Variants in ANAPC1 observed in about 807,000 individuals in gnomAD.
The protein encoded by ANAPC1 is anaphase promoting complex subunit 1, also known as anaphase-promoting complex subunit 1.
In ANAPC1, 36 loss-of-function variants were observed where a neutral mutation model predicts 208.0. The observed-to-expected ratio is 0.17, with a 90% CI of 0.13 to 0.23. ANAPC1 has a LOEUF of 0.23. ANAPC1 is among the 10% of genes least tolerant of loss of function. ANAPC1 has a pLI of 1.00. For synonymous variants in ANAPC1, 378 were observed against 695.2 expected (o/e 0.54, Z 7.18); for missense variants, 942 against 2,011.6 (o/e 0.47, Z 10.17).
At chr2:111,830,749 C>G (rs1680085634) in intron 21 of ANAPC1, among the ~76,000 whole-genome samples, 2 of 152,120 alleles carry the variant, frequency 1.3e-5, no homozygotes, top group Non-Finnish European at 2.9e-5. Flanking sequence ...ATACCAAACA[C>G]CAACAAGAAT....
intron 14 of ANAPC1, among the ~76,000 whole-genome samples, chr2:111,849,511 G>A (rs1475685456): frequency 1.3e-5 from 2 of 152,092 alleles, no homozygotes; most frequent in African/African-American, 4.8e-5. Context: ...CCTTTGAACC[G>A]TCCCTAAACA....
chr2:111,841,327 A>G (rs1469368645), intron 17 of ANAPC1, among the ~76,000 whole-genome samples: 1 of 152,026 alleles, frequency 6.6e-6, no homozygotes, highest in Non-Finnish European at 1.5e-5. Flanking sequence ...ACAAAACAAA[A>G]TAAGTAAAAC....
At chr2:111,879,246 T>C (rs1026746755) in intron 2 of ANAPC1, among the ~76,000 whole-genome samples, 13 of 152,206 alleles carry the variant, frequency 8.5e-5, no homozygotes, top group Non-Finnish European at 1.8e-4. Context: ...ACCTTCTCTA[T>C]AGTTCCAAAA....
intron 30 of ANAPC1, among the ~76,000 whole-genome samples, 158 bp from the exon 31 acceptor site, chr2:111,803,997 TAATA>T (rs1484611226): frequency 3.4e-5 from 5 of 147,778 alleles, no homozygotes; most frequent in African/African-American, 9.9e-5. Flanking sequence ...AATCATGAGT[TAATA>T]AATATTAATA....
chr2:111,846,560 T>TATATATATATATA (rs1491102595), intron 16 of ANAPC1, among the ~76,000 whole-genome samples: 3 of 37,416 alleles, frequency 8.0e-5, no homozygotes, highest in Non-Finnish European at 1.6e-4. Flanking sequence ...TATATATATA[T>TATATATATATATA]TTTTTTTTTT....
intron 20 of ANAPC1, among the ~76,000 whole-genome samples, chr2:111,832,914 G>A (rs1680229564): frequency 1.7e-5 from 2 of 114,960 alleles, no homozygotes; most frequent in South Asian, 6.9e-4. Flanking sequence ...CCCCAGCCTG[G>A]GTGACAGAGC....
chr2:111,772,387 G>A lies in ANAPC1; in HGVS notation c.5673C>T (p.Tyr1891=). 1 of 1,608,814 alleles carries A rather than the reference G, an allele frequency of 6.2e-7. No individual in the cohort carries two copies. The highest frequency in any genetic ancestry group is 1.1e-5 in the South Asian group (1 of 90,184). ...GGTGCTGTGGAGCTGGCACAGAGTGGTAGACGAGGAAGCAGGCCAGCATGC... is the reference window on the plus strand; with the variant it reads ...GGTGCTGTGGAGCTGGCACAGAGTGATAGACGAGGAAGCAGGCCAGCATGC... ...QLSMLACFLV[Y]HSVPAPQHLP... is the part of the protein sequence containing the mutation. The change falls in exon 47 of 48, where the codon TAC becomes TAT. Residue 1891 remains tyrosine, a synonymous_variant. Transcript: ENST00000341068.
chr2:111,775,063 C>T (rs574990489), intron 46 of ANAPC1, among the ~76,000 whole-genome samples: 4 of 152,090 alleles, frequency 2.6e-5, no homozygotes, highest in Non-Finnish European at 5.9e-5. Context: ...GTCAGGAGTT[C>T]GAGATCAGAC....
chr2:111,879,665 G>GT (rs1246080722), intron 2 of ANAPC1, among the ~76,000 whole-genome samples: 1 of 152,056 alleles, frequency 6.6e-6, no homozygotes, highest in African/African-American at 2.4e-5. Context: ...GAGGTCTGGA[G>GT]TTTGAGACTA....
intron 20 of ANAPC1, among the ~76,000 whole-genome samples, chr2:111,831,820 C>CT (rs1680151471): frequency 1.5e-5 from 1 of 68,602 alleles, no homozygotes; most frequent in East Asian, 3.1e-4. Flanking sequence ...GAGCGAGACT[C>CT]TGTCTCAAAA....
At chr2:111,783,227 CT>C (rs907241773) in intron 42 of ANAPC1, among the ~76,000 whole-genome samples, 4 of 152,334 alleles carry the variant, frequency 2.6e-5, no homozygotes, top group African/African-American at 9.6e-5. Flanking sequence ...ATCAGCTTTA[CT>C]TTCTGACATG....
intron 21 of ANAPC1, among the ~76,000 whole-genome samples, chr2:111,830,298 T>C (rs1237935267): frequency 6.6e-6 from 1 of 152,170 alleles, no homozygotes; most frequent in Non-Finnish European, 1.5e-5. Flanking sequence ...ATAGTCTTTT[T>C]AAAAAACAGT....
At chr2:111,877,644 T>A (rs1683088945) in intron 3 of ANAPC1, among the ~76,000 whole-genome samples, 1 of 151,572 alleles carries the variant, frequency 6.6e-6, no homozygotes, top group Non-Finnish European at 1.5e-5. Context: ...ATTAGCCGGG[T>A]GTGGTGGCGG....
chr2:111,856,463 C>T (rs1427889045), intron 13 of ANAPC1, 151 bp downstream of exon 13: 3 of 781,346 alleles, frequency 3.8e-6, no homozygotes, highest in Non-Finnish European at 6.1e-6. Context: ...AAATAGGAAG[C>T]TTCACTGAGA....
At chr2:111,856,574 G>C (rs750195751) in intron 13 of ANAPC1, 40 bp downstream of exon 13, 2 of 1,536,622 alleles carry the variant, frequency 1.3e-6, no homozygotes, top group Admixed American at 1.7e-5. Context: ...CAGGCAGCCT[G>C]AAGTCCTACT....
chr2:111,878,570 G>C (rs1164563697), intron 3 of ANAPC1, among the ~76,000 whole-genome samples: 3 of 152,158 alleles, frequency 2.0e-5, no homozygotes, highest in African/African-American at 7.2e-5. Context: ...TAAGGACAGA[G>C]TGTTTAAAGA....
At chr2:111,861,611 G>C in intron 10 of ANAPC1, among the ~76,000 whole-genome samples, 1 of 138,234 alleles carries the variant, frequency 7.2e-6, no homozygotes, top group Admixed American at 7.7e-5. Flanking sequence ...TTGAGGACAG[G>C]GACAGTGACT....
chr2:111,790,570 G>T (rs1405335691), intron 38 of ANAPC1, among the ~76,000 whole-genome samples: 2 of 152,068 alleles, frequency 1.3e-5, no homozygotes, highest in East Asian at 3.8e-4. Context: ...TCCGTGCCAG[G>T]TAGATTTTAG....
chr2:111,789,038 T>C (rs1390650417), intron 38 of ANAPC1, among the ~76,000 whole-genome samples: 2 of 152,216 alleles, frequency 1.3e-5, no homozygotes, highest in South Asian at 2.1e-4. Flanking sequence ...CTTGGAAGGC[T>C]GAGGCAGGAG....
Sources: gnomAD v4.1 joint callset for allele counts (sites outside exome capture counted in the v4.1 genomes callset) on GRCh38, gnomAD v4.1.1 for gene constraint, MANE v1.5 for transcripts, NCBI Gene and HGNC (gene_info 2026-07-23, HGNC 2026-07-21) for gene names.